The following ZFHX3 variants were observed in gnomAD, a reference collection of about 807,000 sequenced individuals.
ZFHX3 encodes zinc finger homeobox protein 3.
A neutral mutation model predicts 279.1 loss-of-function variants in ZFHX3; 42 were observed. The ratio of observed to expected loss-of-function variants is 0.15; its 90% confidence interval spans 0.12 to 0.19. The LOEUF is 0.19. ZFHX3 is among the 10% of genes least tolerant of loss of function. The pLI is 1.00. For missense variants in ZFHX3, 4,981 were observed against 4,754.0 expected, an observed-to-expected ratio of 1.05 and a Z score of -1.40; for synonymous variants, 2,293 against 1,957.8, an observed-to-expected ratio of 1.17 and a Z score of -4.52.
chr16:73,833,180 T>G (rs114028468), intron 1 of ZFHX3, among the ~76,000 whole-genome samples: 1 of 152,092 alleles, frequency 6.6e-6, no homozygotes, highest in Non-Finnish European at 1.5e-5. Flanking sequence ...CCAGGCGACG[T>G]AGCAAGACCT....
At chr16:73,342,799 A>T (rs559853256) in intron 3 of ZFHX3, among the ~76,000 whole-genome samples, 5 of 152,292 alleles carry the variant, frequency 3.3e-5, no homozygotes, top group African/African-American at 1.2e-4. Context: ...CTAATGTTTT[A>T]TATATGCAAA....
chr16:73,253,916 G>GA (rs1249364638), intron 5 of ZFHX3, among the ~76,000 whole-genome samples: 3 of 151,986 alleles, frequency 2.0e-5, no homozygotes, highest in Admixed American at 6.6e-5. Flanking sequence ...AAGACTAAGA[G>GA]AAAAAAAATT....
At chr16:73,872,183 C>T (rs375162486) in intron 1 of ZFHX3, among the ~76,000 whole-genome samples, 9 of 152,176 alleles carry the variant, frequency 5.9e-5, no homozygotes, top group African/African-American at 2.2e-4. Context: ...CTGAATGCTG[C>T]TTATTCTCCA....
intron 1 of ZFHX3, among the ~76,000 whole-genome samples, chr16:73,786,125 C>T (rs143216490): frequency 7.2e-5 from 11 of 152,240 alleles, no homozygotes; most frequent in African/African-American, 2.6e-4. Context: ...CCTGCCTTGG[C>T]CTCCCAAAGT....
chr16:73,314,194 G>C (rs1007383991), intron 4 of ZFHX3, among the ~76,000 whole-genome samples: 1 of 152,196 alleles, frequency 6.6e-6, no homozygotes, highest in Non-Finnish European at 1.5e-5. Context: ...AGAATAGAAA[G>C]ATAGGCCTCC....
chr16:73,842,115 C>T (rs1173965185), intron 1 of ZFHX3, among the ~76,000 whole-genome samples: 4 of 151,672 alleles, frequency 2.6e-5, no homozygotes, highest in Non-Finnish European at 5.9e-5. Flanking sequence ...ACTTGGGAGG[C>T]TGAGGCAGGA....
At chr16:73,149,753 C>T (rs1352055284) in intron 5 of ZFHX3, among the ~76,000 whole-genome samples, 1 of 152,160 alleles carries the variant, frequency 6.6e-6, no homozygotes, top group Non-Finnish European at 1.5e-5. Context: ...GGATTTTATC[C>T]TGTCAGCGAA....
Position 73,876,161 on chromosome 16 carries a change from G to A in ZFHX3, c.-1608+15490C>T, listed in dbSNP as rs149148367. Among the ~76,000 whole-genome samples, 150 of 152,254 alleles carry A rather than the reference G, an allele frequency of 9.9e-4. 1 individual carries two copies. Among genetic ancestry groups the A allele is most frequent in the African/African-American group, 3.2e-3 (133 of 41,546 alleles). ...TGCGTGATCCTGGGGTTGTCCACCC[G>A]TTAGTAAAGAGGCACTGAATTCTGC... On this transcript the variant is annotated intron_variant, in intron 1 of 17. Coordinates refer to the ZFHX3 transcript ENST00000641206.
At chr16:73,459,487 C>G (rs967204571) in intron 2 of ZFHX3, among the ~76,000 whole-genome samples, 1 of 152,148 alleles carries the variant, frequency 6.6e-6, no homozygotes, top group African/African-American at 2.4e-5. Flanking sequence ...CTCAGCCTCC[C>G]AAGTAGCTGG....
chr16:73,044,209 C>T (rs1428182255), intron 1 of ZFHX3, among the ~76,000 whole-genome samples: 1 of 152,082 alleles, frequency 6.6e-6, no homozygotes, highest in East Asian at 1.9e-4. Flanking sequence ...CTAATAATAA[C>T]CATTACCACC....
At chr16:73,140,780 G>T (rs1966845826) in intron 6 of ZFHX3, among the ~76,000 whole-genome samples, 1 of 152,160 alleles carries the variant, frequency 6.6e-6, no homozygotes, top group Non-Finnish European at 1.5e-5. Context: ...ATTGAACCCG[G>T]GAGGTGGAGG....
chr16:73,728,600 T>C (rs1334751702), intron 1 of ZFHX3, among the ~76,000 whole-genome samples: 1 of 152,146 alleles, frequency 6.6e-6, no homozygotes, highest in Non-Finnish European at 1.5e-5. Context: ...GGTGGCCATG[T>C]TGTTCAATTC....
intron 4 of ZFHX3, among the ~76,000 whole-genome samples, chr16:72,837,145 G>C (rs2037212641): frequency 1.3e-5 from 2 of 152,184 alleles, no homozygotes; most frequent in Admixed American, 6.5e-5. Flanking sequence ...ACAGAGGCAG[G>C]TCTCCCTCCA....
At chr16:73,051,535 C>T (rs763280175), upstream of ZFHX3, among the ~76,000 whole-genome samples, 1 of 152,174 alleles carries the variant, frequency 6.6e-6, no homozygotes, top group Non-Finnish European at 1.5e-5. Context: ...TCCATCCATC[C>T]CTACAGTGCT....
intron 1 of ZFHX3, among the ~76,000 whole-genome samples, chr16:73,833,302 G>A (rs57987779): frequency 0.044 from 6,680 of 152,172 alleles, 279 homozygotes; most frequent in African/African-American, 0.12. Flanking sequence ...GTTTGAGGCT[G>A]CAGTGAGCCA....
At chr16:73,793,660 T>G (rs1959901011) in intron 1 of ZFHX3, among the ~76,000 whole-genome samples, 1 of 152,198 alleles carries the variant, frequency 6.6e-6, no homozygotes, top group African/African-American at 2.4e-5. Context: ...TTAAAAAAAT[T>G]TCATCAAGTC....
At chr16:73,289,613 C>T (rs1355722837) in intron 4 of ZFHX3, among the ~76,000 whole-genome samples, 3 of 152,030 alleles carry the variant, frequency 2.0e-5, no homozygotes, top group Non-Finnish European at 4.4e-5. Context: ...CCCCAGGGCA[C>T]CTTGAGTGCC....
At chr16:73,073,086 G>A (rs1009360495) in intron 8 of ZFHX3, among the ~76,000 whole-genome samples, 4 of 148,762 alleles carry the variant, frequency 2.7e-5, no homozygotes, top group African/African-American at 9.9e-5. Context: ...TAGTAGAGAC[G>A]AGGTTTCACT....
chr16:72,964,003 T>A (rs1342869654), intron 1 of ZFHX3, among the ~76,000 whole-genome samples: 1 of 152,220 alleles, frequency 6.6e-6, no homozygotes, highest in Non-Finnish European at 1.5e-5. Flanking sequence ...AGTGAGAAAC[T>A]GTTGCCTCCA....
Sources: gnomAD v4.1 joint callset for allele counts (sites outside exome capture counted in the v4.1 genomes callset) on GRCh38, gnomAD v4.1.1 for gene constraint, MANE v1.5 for transcripts, NCBI Gene and HGNC (gene_info 2026-07-23, HGNC 2026-07-21) for gene names.